Variants in TEAD4 observed in about 807,000 individuals in gnomAD.
TEAD4 encodes the protein transcriptional enhancer factor TEF-3.
Under a neutral mutation model 52.4 loss-of-function variants are expected in TEAD4, and 36 were observed. The observed-to-expected ratio is 0.69, with a 90% CI of 0.53 to 0.91. TEAD4 has a LOEUF of 0.91. Among genes scored for constraint, TEAD4 ranks in the 40% least tolerant of loss-of-function variants. The probability of loss-of-function intolerance (pLI) is 0.00; values close to 1 mark genes in which losing one functional copy is unlikely to be tolerated. For missense variants in TEAD4, 508 were observed against 583.9 expected (o/e 0.87, Z 1.34); for synonymous variants, 220 against 231.0 (o/e 0.95, Z 0.43).
chr12:2,994,023 G>A lies in TEAD4; in HGVS notation c.-29-715G>A, dbSNP rs903286105. 1.3e-5 allele frequency among the ~76,000 whole-genome samples: 2 copies of A among 152,148 alleles called. No homozygotes were observed. Among genetic ancestry groups the A allele is most frequent in the Admixed American group, 6.6e-5 (1 of 15,264 alleles). ...TGACTCTTGTGAATAATGCTGCCGC[G>A]AGCATGAGTGTACATATATATCTTT... On this transcript the variant is annotated intron_variant, in intron 2 of 12. Transcript: ENST00000359864. The surrounding 1 kb of genome is among the most constrained non-coding windows in gnomAD (Gnocchi z 4.7).
At chr12:3,039,565 A>G (rs2153958923) in intron 11 of TEAD4, among the ~76,000 whole-genome samples, 1 of 152,258 alleles carries the variant, frequency 6.6e-6, no homozygotes, top group South Asian at 2.1e-4. Context: ...TACAGTCAGG[A>G]TTGAGAGGCT....
intron 2 of TEAD4, among the ~76,000 whole-genome samples, chr12:2,984,253 T>C (rs2098236313): frequency 6.6e-6 from 1 of 152,152 alleles, no homozygotes; most frequent in Non-Finnish European, 1.5e-5. Context: ...TGTAGTGTTA[T>C]CTTAAGAACA....
At position 2,971,872 on chromosome 12, in the gene TEAD4, G is replaced by A. The variant is rs111471020; in HGVS notation, c.-30+11832G>A. 6.9e-4 allele frequency among the ~76,000 whole-genome samples: 102 copies of A among 146,900 alleles called. 1 individual carries two copies. The highest frequency in any genetic ancestry group is 2.6e-3 in the African/African-American group (99 of 38,818). On this transcript the variant is annotated intron_variant, in intron 2 of 12. Transcript: ENST00000359864. ...CTATCACCCAGGCTGGAGTGCAGTG[G>A]CGCGATCACAGCTCACTGCAACCTC...
intron 2 of TEAD4, among the ~76,000 whole-genome samples, chr12:2,977,944 T>C (rs987791475): frequency 6.6e-6 from 1 of 152,248 alleles, no homozygotes; most frequent in African/African-American, 2.4e-5. Context: ...TGTTTCTAAC[T>C]GAGTACACAG....
intron 3 of TEAD4, among the ~76,000 whole-genome samples, chr12:3,003,832 T>C (rs962749292): frequency 6.6e-6 from 1 of 152,212 alleles, no homozygotes; most frequent in Non-Finnish European, 1.5e-5. Context: ...CCCCAGCCTG[T>C]GTTCTCAGCC....
intron 4 of TEAD4, among the ~76,000 whole-genome samples, chr12:3,011,794 T>G (rs2098260573): frequency 6.6e-6 from 1 of 152,128 alleles, no homozygotes; most frequent in African/African-American, 2.4e-5. Flanking sequence ...GCCTTCCGAG[T>G]AGCTGGAATT....
At chr12:2,973,964 A>G (rs370315129) in intron 2 of TEAD4, among the ~76,000 whole-genome samples, 9 of 152,262 alleles carry the variant, frequency 5.9e-5, no homozygotes, top group African/African-American at 2.2e-4. Flanking sequence ...CTGGGATGGT[A>G]ACCTCAGCCT....
At chr12:2,977,766 G>T (rs2098230958) in intron 2 of TEAD4, among the ~76,000 whole-genome samples, 1 of 152,198 alleles carries the variant, frequency 6.6e-6, no homozygotes, top group African/African-American at 2.4e-5. Flanking sequence ...CCGAGAACTT[G>T]TTGCATTTCA....
At chr12:2,966,709 C>T (rs552003378) in intron 2 of TEAD4, among the ~76,000 whole-genome samples, 3 of 151,510 alleles carry the variant, frequency 2.0e-5, no homozygotes, top group East Asian at 3.9e-4. Flanking sequence ...CCATGCCCGG[C>T]GTATTTCTTT....
chr12:2,973,969 C>G (rs2098227344), intron 2 of TEAD4, among the ~76,000 whole-genome samples: 1 of 152,116 alleles, frequency 6.6e-6, no homozygotes, highest in South Asian at 2.1e-4. Flanking sequence ...ATGGTAACCT[C>G]AGCCTAGGGT....
chr12:3,030,949 T>C (rs60272155), intron 10 of TEAD4, among the ~76,000 whole-genome samples: 4,745 of 152,302 alleles, frequency 0.031, 95 homozygotes, highest in African/African-American at 0.044. Flanking sequence ...TGGTTAACTC[T>C]GGCACCCAGA....
chr12:3,026,831 A>G (rs1299917955), intron 10 of TEAD4, among the ~76,000 whole-genome samples: 1 of 152,104 alleles, frequency 6.6e-6, no homozygotes, highest in African/African-American at 2.4e-5. Context: ...TCTCTGCCAC[A>G]CCTTCTGTTG....
At chr12:3,004,228 G>A (rs573519196) in intron 3 of TEAD4, among the ~76,000 whole-genome samples, 2 of 152,320 alleles carry the variant, frequency 1.3e-5, no homozygotes, top group Admixed American at 6.5e-5. Context: ...GAGCAGCATC[G>A]TCCCTTGCGG....
chr12:2,972,016 T>C (rs182593071), intron 2 of TEAD4, among the ~76,000 whole-genome samples: 1 of 151,852 alleles, frequency 6.6e-6, no homozygotes, highest in African/African-American at 2.4e-5. Context: ...TTTTGCCATG[T>C]TGGTCAGGCT....
intron 2 of TEAD4, among the ~76,000 whole-genome samples, chr12:2,972,145 C>T (rs1221721306): frequency 6.6e-6 from 1 of 152,102 alleles, no homozygotes; most frequent in East Asian, 1.9e-4. Context: ...GTGGTGTGAT[C>T]ACAGCTCCCT....
At position 2,990,461 on chromosome 12, in the gene TEAD4, C is replaced by CTTTTTTTTTTTTTTT. The variant is rs71057876; in HGVS notation, c.-29-4264_-29-4250dup. Among the ~76,000 whole-genome samples the CTTTTTTTTTTTTTTT allele has an allele frequency of 4.3e-4, 29 of 67,036 alleles. 5 individuals are homozygous for CTTTTTTTTTTTTTTT. Among genetic ancestry groups the CTTTTTTTTTTTTTTT allele is most frequent in the African/African-American group, 1.6e-3 (28 of 17,016 alleles). The allele number at this position is 67,036 out of a possible 152,430, so 44.0% of individuals were successfully genotyped here. A position where few individuals can be genotyped will look rare whatever the true frequency, so the allele number is the denominator to read the frequency against. On this transcript the variant is annotated intron_variant, in intron 2 of 12. Transcript: ENST00000359864. ...TAGAATTTAGGCTAAGACAGATAAT[C>CTTTTTTTTTTTTTTT]TTTTTTTTTTTTTTTTTTTTTTTTT... is the stretch of plus-strand genomic sequence containing the variant.
intron 2 of TEAD4, among the ~76,000 whole-genome samples, chr12:2,981,497 C>T (rs2098234077): frequency 2.0e-5 from 3 of 152,200 alleles, no homozygotes; most frequent in Non-Finnish European, 4.4e-5. Context: ...GGGGGCCTCT[C>T]ACTGCACCCG....
intron 2 of TEAD4, among the ~76,000 whole-genome samples, chr12:2,966,514 A>G (rs527751398): frequency 8.4e-5 from 12 of 143,228 alleles, no homozygotes; most frequent in Middle Eastern, 4.1e-3. Context: ...GGGTTCAAGC[A>G]ATTCTCATGC....
At chr12:3,031,957 A>C (rs74054839) in intron 10 of TEAD4, among the ~76,000 whole-genome samples, 4,714 of 152,192 alleles carry the variant, frequency 0.031, 96 homozygotes, top group African/African-American at 0.044. Context: ...GAAGGCTCTG[A>C]ATTGTCTAAA....
Sources: allele counts gnomAD v4.1 joint callset (sites outside exome capture counted in the v4.1 genomes callset), GRCh38; gene constraint gnomAD v4.1.1; non-coding constraint Gnocchi (gnomAD v3.1); transcripts MANE v1.5; gene names NCBI Gene and HGNC (gene_info 2026-07-23, HGNC 2026-07-21).